CAPN3: variants seen among roughly 807,000 people sequenced by gnomAD.
CAPN3 encodes the protein calpain 3.
Under a neutral mutation model 114.0 loss-of-function variants are expected in CAPN3, and 88 were observed. The ratio of observed to expected loss-of-function variants is 0.77; its 90% CI spans 0.65 to 0.92. The LOEUF is 0.92. CAPN3 is among the 40% of genes least tolerant of loss of function. The pLI, the probability that CAPN3 is intolerant of heterozygous loss-of-function variation, is 0.00. For missense variants in CAPN3, 1,028 were observed against 1,069.0 expected (o/e 0.96, Z 0.53); for synonymous variants, 386 against 382.9 (o/e 1.01, Z -0.09).
Position 42,412,112 on chromosome 15 carries a change from G to T in CAPN3, c.*339G>T. The T allele has an allele frequency of 6.5e-7, 1 of 1,535,662 alleles. No homozygotes were observed. The highest frequency in any genetic ancestry group is 8.7e-7 in the Non-Finnish European group (1 of 1,146,822). On this transcript the variant is annotated 3_prime_UTR_variant, in exon 24 of 24. Coordinates refer to ENST00000397163, the MANE Select transcript of CAPN3 (RefSeq NM_000070.3). ...CTGTCTGCAGAAGCACCTGCCGGTG[G>T]CACTCAGCACCTCCTTGTGCTAGAG...
At chr15:42,385,099 CCT>C (rs2053359801) in intron 2 of CAPN3, among the ~76,000 whole-genome samples, 1 of 152,194 alleles carries the variant, frequency 6.6e-6, no homozygotes, top group East Asian at 1.9e-4. Context: ...ATCTGATCTT[CCT>C]CTCTCTCGAC....
At position 42,379,886 on chromosome 15, in the gene CAPN3, G is replaced by A. The variant is rs540546963; in HGVS notation, c.310-4597G>A. Among the ~76,000 whole-genome samples the A allele has an allele frequency of 3.9e-5, 6 of 152,294 alleles. No homozygotes were observed. In the South Asian group the frequency reaches 1.2e-3, roughly 32 times the overall value. On this transcript the variant is annotated intron_variant, in intron 1 of 23. Coordinates refer to ENST00000397163, the MANE Select transcript of CAPN3 (RefSeq NM_000070.3). ...AATCCCAGCACTTTGGGAGGCCAAG[G>A]CGAGCACATCACCTGAGGTCAGGAG...
At chr15:42,386,057 C>T in intron 2 of CAPN3, 110 bp from the exon 3 acceptor site, 1 of 799,816 alleles carries the variant, frequency 1.3e-6, no homozygotes, top group African/African-American at 1.7e-5. Flanking sequence ...GGAGAGTGGG[C>T]ACCAAGGGAG....
At chr15:42,404,994 T>TG in intron 14 of CAPN3, 1 of 991,050 alleles carries the variant, frequency 1.0e-6, no homozygotes, top group Non-Finnish European at 1.2e-6. Context: ...TTGATGTCCC[T>TG]GCACTGACAC....
intron 1 of CAPN3, among the ~76,000 whole-genome samples, chr15:42,379,438 A>C (rs1381103162): frequency 6.6e-6 from 1 of 152,164 alleles, no homozygotes; most frequent in Admixed American, 6.5e-5. Context: ...TATTAATGTC[A>C]ATTTGATCCA....
chr15:42,407,395 C>T (rs143756970), intron 15 of CAPN3, among the ~76,000 whole-genome samples: 656 of 152,132 alleles, frequency 4.3e-3, no homozygotes, highest in Non-Finnish European at 6.9e-3. Context: ...GTGGCTTGAT[C>T]TTGGCTCACT....
chr15:42,396,501 A>G (rs2053695902), intron 8 of CAPN3, among the ~76,000 whole-genome samples: 1 of 152,068 alleles, frequency 6.6e-6, no homozygotes, highest in South Asian at 2.1e-4. Context: ...CGGCCTCCCA[A>G]AGTGCTGGGA....
intron 1 of CAPN3, 35 bp from the exon 2 acceptor site, chr15:42,384,448 T>G: frequency 2.0e-6 from 3 of 1,484,014 alleles, no homozygotes; most frequent in Non-Finnish European, 2.8e-6. Flanking sequence ...TATCTACTGT[T>G]ATTCTTACCT....
At chr15:42,402,663 C>A (rs919258370) in intron 12 of CAPN3, 131 bp from the exon 13 acceptor site, 2 of 1,548,356 alleles carry the variant, frequency 1.3e-6, no homozygotes, top group Non-Finnish European at 1.7e-6. Context: ...CCTTGGGAGT[C>A]GGAAGTAGGG....
intron 1 of CAPN3, among the ~76,000 whole-genome samples, chr15:42,366,168 T>C (rs915276732): frequency 3.3e-5 from 5 of 152,220 alleles, no homozygotes; most frequent in African/African-American, 1.2e-4. Context: ...AGGGAAATTG[T>C]GAAATGTAAA....
At chr15:42,389,219 A>G in intron 5 of CAPN3, 123 bp downstream of exon 5, 1 of 908,874 alleles carries the variant, frequency 1.1e-6, no homozygotes, top group South Asian at 1.6e-5. Context: ...AGGAAGCAGG[A>G]ACTGGCTCTC....
intron 1 of CAPN3, among the ~76,000 whole-genome samples, chr15:42,384,251 A>G (rs1423000233): frequency 6.6e-6 from 1 of 152,098 alleles, no homozygotes; most frequent in Admixed American, 6.5e-5. Flanking sequence ...ATCTCTACTA[A>G]AGATACAAAA....
At chr15:42,388,884 C>T (rs2053475144) in intron 4 of CAPN3, 44 bp from the exon 5 acceptor site, 2 of 1,598,126 alleles carry the variant, frequency 1.3e-6, no homozygotes, top group African/African-American at 1.3e-5. Flanking sequence ...GTTTTGTTCC[C>T]TGGAACTCTG....
Position 42,409,787 on chromosome 15 carries a change from G to T in CAPN3, c.1993G>T (p.Asp665Tyr), listed in dbSNP as rs1566984723. The change falls in exon 18 of 24, where the codon GAC becomes TAC. Residue 665 changes from aspartate to tyrosine, a missense_variant and splice_region_variant. Coordinates refer to ENST00000397163, the MANE Select transcript of CAPN3 (RefSeq NM_000070.3). ...GACCCTCCTCTCCCTTCCTCCTCAG[G>T]ACATGGAGATCTGTGCAGATGAGCT... ...RNIFKQIAGD[D>Y]MEICADELKK... is the part of the protein sequence containing the mutation. 6.3e-7 allele frequency: 1 copy of T among 1,590,358 alleles called. No homozygotes were observed. The highest frequency in any genetic ancestry group is 1.4e-5 in the African/African-American group (1 of 72,362).
At chr15:42,400,629 T>C (rs1169863726) in intron 10 of CAPN3, among the ~76,000 whole-genome samples, 2 of 151,610 alleles carry the variant, frequency 1.3e-5, no homozygotes, top group Non-Finnish European at 2.9e-5. Flanking sequence ...GAGGCTACAA[T>C]AAACTGTGAT....
rs748730622 is a variant in CAPN3 at position 42,410,407 on chromosome 15, GC to G, written c.2116-18del. ...GGGGGATTTTGCTGTGTGCTGTGTA[GC>G]CCTGACCTCCCTCCTCCAGACAGAT... On this transcript the variant is annotated intron_variant, in intron 19 of 23. Coordinates refer to ENST00000397163, the MANE Select transcript of CAPN3 (RefSeq NM_000070.3). The G allele has an allele frequency of 1.2e-6, 2 of 1,613,216 alleles. No homozygotes were observed. The highest frequency in any genetic ancestry group is 2.2e-5 in the South Asian group (2 of 91,066).
intron 9 of CAPN3, among the ~76,000 whole-genome samples, chr15:42,398,265 T>C (rs2053757908): frequency 6.6e-6 from 1 of 151,986 alleles, no homozygotes. Context: ...TTGGGAACAT[T>C]ACAATTCTTT....
chr15:42,366,649 T>C (rs547811724), intron 1 of CAPN3, among the ~76,000 whole-genome samples: 1 of 151,838 alleles, frequency 6.6e-6, no homozygotes, highest in African/African-American at 2.4e-5. Context: ...GGAAGGAGAA[T>C]TAAGTATGAT....
chr15:42,386,388 T>C (rs1055901249), intron 3 of CAPN3, 103 bp downstream of exon 3: 2 of 839,782 alleles, frequency 2.4e-6, no homozygotes, highest in South Asian at 2.7e-5. Context: ...CCCACCCATC[T>C]ACCCGCAGCG....
Sources: gnomAD v4.1 joint callset for allele counts (sites outside exome capture counted in the v4.1 genomes callset) on GRCh38, gnomAD v4.1.1 for gene constraint, MANE v1.5 for transcripts, NCBI Gene and HGNC (gene_info 2026-07-23, HGNC 2026-07-21) for gene names.